The following SYN2 variants were observed in gnomAD, a reference collection of about 807,000 sequenced individuals.
SYN2 encodes the protein synapsin-2.
Under a neutral mutation model 50.9 loss-of-function variants are expected in SYN2, and 19 were observed. The ratio of observed to expected loss-of-function variants is 0.37; its 90% CI spans 0.26 to 0.55. The LOEUF (loss-of-function observed/expected upper bound fraction) is 0.55, where lower values mean the gene tolerates loss of function less well. Ranked by LOEUF, SYN2 falls within the 20% of genes least tolerant of loss-of-function variation. The pLI, the probability that SYN2 is intolerant of heterozygous loss-of-function variation, is 0.81. For missense variants in SYN2, 587 were observed against 576.4 expected (o/e 1.02, Z -0.19); for synonymous variants, 255 against 224.9 (o/e 1.13, Z -1.20).
intron 1 of SYN2, among the ~76,000 whole-genome samples, chr3:12,103,096 A>G (rs1196682207): frequency 6.6e-6 from 1 of 152,170 alleles, no homozygotes; most frequent in African/African-American, 2.4e-5. Context: ...TCCTCATTTT[A>G]TAGATGAAAA....
intron 5 of SYN2, among the ~76,000 whole-genome samples, chr3:12,157,151 G>C (rs1175268244): frequency 2.6e-5 from 4 of 152,184 alleles, no homozygotes; most frequent in African/African-American, 9.6e-5. Context: ...GTAGGTACCT[G>C]TAGTGGCACC....
At chr3:12,185,128 C>G in intron 11 of SYN2, 1 of 985,790 alleles carries the variant, frequency 1.0e-6, no homozygotes, top group Non-Finnish European at 1.2e-6. Flanking sequence ...GGTAGTTGAT[C>G]TGTTGTAAAT....
rs1256418264 is a variant in SYN2 at position 12,179,186 on chromosome 3, C to T, written c.1309-4126C>T. Among the ~76,000 whole-genome samples the T allele has an allele frequency of 2.6e-5, 4 of 151,940 alleles. No individual in the cohort carries two copies. In the South Asian group the frequency reaches 8.3e-4, roughly 32 times the overall value. Reference sequence around the variant, plus strand: ...CGTAGCAGGATACCAGCCCAATTAGCTTTGATGGAAGCGGCACACTCTCCT... The same window carrying T: ...CGTAGCAGGATACCAGCCCAATTAGTTTTGATGGAAGCGGCACACTCTCCT... On this transcript the variant is annotated intron_variant, in intron 10 of 12. Coordinates refer to ENST00000621198, the MANE Select transcript of SYN2 (RefSeq NM_133625.6).
chr3:12,157,035 A>G lies in SYN2; in HGVS notation c.775-4511A>G, dbSNP rs377184001. The G allele has an allele frequency of 6.4e-5, 54 of 845,852 alleles. No homozygotes were observed. The African/African-American group carries it at 6.8e-4, about 11-fold the overall frequency. The allele number at this position is 845,852 out of a possible 1,614,324, so 52.4% of individuals were successfully genotyped here. On this transcript the variant is annotated intron_variant, in intron 5 of 12. Transcript: ENST00000621198. ...ACTTCTCAGCCTAAAAATGTAAGCA[A>G]AAGTCTAGTTGAGGATTTTGTGTCC... is the stretch of plus-strand genomic sequence containing the variant.
At chr3:12,184,510 T>C in intron 11 of SYN2, 1 of 985,916 alleles carries the variant, frequency 1.0e-6, no homozygotes, top group Non-Finnish European at 1.2e-6. Context: ...AAATGTCCCA[T>C]GTCACTTGAG....
chr3:12,005,653 CT>C (rs906956762), intron 1 of SYN2, among the ~76,000 whole-genome samples: 4 of 148,420 alleles, frequency 2.7e-5, no homozygotes, highest in African/African-American at 9.9e-5. Flanking sequence ...TGAATGGTAG[CT>C]TTTTCTAGCT....
At chr3:12,145,549 T>G (rs1697126464) in intron 3 of SYN2, 130 bp from the exon 4 acceptor site, 1 of 1,071,478 alleles carries the variant, frequency 9.3e-7, no homozygotes, top group Non-Finnish European at 1.3e-6. Context: ...ATAACAACAG[T>G]AAAATGAGGG....
At chr3:12,033,808 T>G (rs554502134) in intron 1 of SYN2, among the ~76,000 whole-genome samples, 1 of 152,344 alleles carries the variant, frequency 6.6e-6, no homozygotes, top group South Asian at 2.1e-4. Context: ...TAGCATAATG[T>G]TTTCAGGATT....
At position 12,190,681 on chromosome 3, in the gene SYN2, CCAA is replaced by C. The variant is rs1698429589; in HGVS notation, c.*62_*64del. On this transcript the variant is annotated 3_prime_UTR_variant, in exon 13 of 13. Coordinates refer to ENST00000621198, the MANE Select transcript of SYN2 (RefSeq NM_133625.6). ...CCGGGAAAGGCATCTAAGACATTCA[CCAA>C]CAACAGTCAGCCAGCTTGGTGGTTA... is the stretch of plus-strand genomic sequence containing the variant. 1.9e-6 allele frequency: 3 copies of C among 1,589,932 alleles called. No homozygotes were observed. The African/African-American group carries it at 4.1e-5, about 22-fold the overall frequency.
At chr3:12,024,436 C>G (rs1474786337) in intron 1 of SYN2, among the ~76,000 whole-genome samples, 1 of 152,030 alleles carries the variant, frequency 6.6e-6, no homozygotes, top group African/African-American at 2.4e-5. Context: ...TTACTTCTTT[C>G]AATCTTGACT....
At chr3:12,183,393 G>A (rs751232089) in intron 11 of SYN2, 21 bp downstream of exon 11, 37 of 1,613,556 alleles carry the variant, frequency 2.3e-5, no homozygotes, top group Admixed American at 6.7e-5. Flanking sequence ...GTATATTCTC[G>A]ACTGTAATGG....
rs575696398 is a variant in SYN2, at chr3:12,025,425, G to A, written c.377+20497G>A. On this transcript the variant is annotated intron_variant, in intron 1 of 12. Transcript: ENST00000621198. ...TTATTGGTTATTGAATGCCTGCTGT[G>A]TATGAGATACTGCCTAAGTGCTTTT... 4.6e-5 allele frequency among the ~76,000 whole-genome samples: 7 copies of A among 152,316 alleles called. No individual in the cohort carries two copies. The South Asian group carries it at 1.2e-3, about 27-fold the overall frequency.
chr3:12,179,397 A>AT (rs1698172334), intron 10 of SYN2, among the ~76,000 whole-genome samples: 4 of 130,192 alleles, frequency 3.1e-5, no homozygotes, highest in Non-Finnish European at 6.7e-5. Context: ...AAAAAAAAAA[A>AT]GCATAAACGA....
intron 10 of SYN2, among the ~76,000 whole-genome samples, chr3:12,180,248 GT>G (rs11306104): frequency 0.67 from 99,784 of 148,572 alleles, 36,305 homozygotes; most frequent in South Asian, 0.8. Context: ...ACCCAGCTGG[GT>G]TTTTTTTTTT....
chr3:12,153,418 G>A lies in SYN2; in HGVS notation c.774+2092G>A. The A allele has an allele frequency of 5.8e-6, 8 of 1,389,670 alleles. No homozygotes were observed. The South Asian group carries it at 7.1e-5, about 12-fold the overall frequency. 86.1% of individuals were successfully genotyped at this position (1,389,670 alleles called of 1,614,324 possible). ...ACTTGGCACTTCTTATTAGCTGGCA[G>A]CAAGAGGTCAGGTGGTAATGGCCAA... On this transcript the variant is annotated intron_variant, in intron 5 of 12. Transcript: ENST00000621198.
chr3:12,172,783 C>G (rs796962524), intron 10 of SYN2, among the ~76,000 whole-genome samples: 23 of 152,318 alleles, frequency 1.5e-4, no homozygotes, highest in African/African-American at 5.3e-4. Context: ...ACTCCTATCA[C>G]TCCAGAAACT....
intron 1 of SYN2, among the ~76,000 whole-genome samples, chr3:12,084,636 A>G (rs1239678247): frequency 6.6e-6 from 1 of 152,226 alleles, no homozygotes; most frequent in African/African-American, 2.4e-5. Flanking sequence ...ATATTCTAGT[A>G]CTGTGATGAC....
rs1316326623 is a variant in SYN2, at chr3:12,189,546, C to T, written c.1614-944C>T. On this transcript the variant is annotated intron_variant, in intron 12 of 12. Transcript: ENST00000621198. ...GGAAATTGCCGGGTGCGGTGGCTCA[C>T]GCCTCTAATCCCAGCACTTTAGGAG... Among the ~76,000 whole-genome samples the T allele has an allele frequency of 5.9e-5, 9 of 152,222 alleles. No homozygotes were observed. In the East Asian group the frequency reaches 7.7e-4, roughly 13 times the overall value.
At chr3:12,134,119 T>A (rs915384671) in intron 1 of SYN2, among the ~76,000 whole-genome samples, 1 of 152,222 alleles carries the variant, frequency 6.6e-6, no homozygotes. Context: ...TTTGCCACTG[T>A]AAATCATAAA....
Sources: gnomAD v4.1 joint callset for allele counts (sites outside exome capture counted in the v4.1 genomes callset) on GRCh38, gnomAD v4.1.1 for gene constraint, MANE v1.5 for transcripts, NCBI Gene and HGNC (gene_info 2026-07-23, HGNC 2026-07-21) for gene names.